Variants in OTUD7A observed in about 807,000 individuals in gnomAD.
The protein encoded by OTUD7A is OTU deubiquitinase 7A, also known as OTU domain-containing protein 7A.
OTUD7A carries 12 observed loss-of-function variants against 65.7 expected under a neutral mutation model. The observed-to-expected ratio is 0.18, with a 90% CI of 0.12 to 0.30. The LOEUF (loss-of-function observed/expected upper bound fraction) is 0.30. Ranked by LOEUF, OTUD7A falls within the 10% of genes least tolerant of loss-of-function variation. The pLI, the probability that OTUD7A is intolerant of heterozygous loss-of-function variation, is 1.00. For missense variants in OTUD7A, 1,148 were observed against 1,304.8 expected (o/e 0.88, Z 1.85); for synonymous variants, 641 against 586.3 (o/e 1.09, Z -1.35).
chr15:31,610,618 T>TATATATA (rs1555401191), intron 3 of OTUD7A, among the ~76,000 whole-genome samples: 6 of 11,844 alleles, frequency 5.1e-4, no homozygotes, highest in African/African-American at 2.0e-3. Flanking sequence ...TATATATATA[T>TATATATA]TTTTTTTTTT....
chr15:31,850,248 A>G (rs183073217), intron 1 of OTUD7A, among the ~76,000 whole-genome samples: 2 of 152,354 alleles, frequency 1.3e-5, no homozygotes, highest in Admixed American at 1.3e-4. Flanking sequence ...GGATGAGTTC[A>G]TGTTCTTTGT....
At chr15:31,634,907 G>A (rs1461598993) in intron 3 of OTUD7A, among the ~76,000 whole-genome samples, 1 of 152,196 alleles carries the variant, frequency 6.6e-6, no homozygotes, top group Non-Finnish European at 1.5e-5. Context: ...TCAAGGTTGG[G>A]ACCCTGGGGA....
intron 3 of OTUD7A, among the ~76,000 whole-genome samples, chr15:31,645,318 G>A (rs1238330595): frequency 6.6e-6 from 1 of 152,188 alleles, no homozygotes; most frequent in East Asian, 1.9e-4. Flanking sequence ...AGGCAGGAGG[G>A]CACACCCACA....
chr15:31,867,857 A>G (rs1166487942), intron 1 of OTUD7A, among the ~76,000 whole-genome samples: 1 of 130,222 alleles, frequency 7.7e-6, no homozygotes, highest in Non-Finnish European at 1.6e-5. Context: ...TGTGCCCCCA[A>G]CCCTTCCTTA....
intron 4 of OTUD7A, among the ~76,000 whole-genome samples, chr15:31,566,048 T>C (rs553785013): frequency 3.0e-4 from 45 of 152,086 alleles, no homozygotes; most frequent in South Asian, 2.1e-3. Flanking sequence ...AAAAATTAGC[T>C]AGGCGTGGTG....
Position 31,564,830 on chromosome 15 carries a change from T to C in OTUD7A, c.331+5188A>G, listed in dbSNP as rs550852840. 4.6e-5 allele frequency among the ~76,000 whole-genome samples: 7 copies of C among 152,274 alleles called. No individual in the cohort carries two copies. The South Asian group carries it at 1.4e-3, about 32-fold the overall frequency. ...AAAGGATATGGAAAAGTTGAAATTA[T>C]ATCAGCAGAAAAAATGATATTTCTG... On this transcript the variant is annotated intron_variant, in intron 4 of 12. Coordinates refer to ENST00000307050, the MANE Select transcript of OTUD7A (RefSeq NM_001382637.1).
chr15:31,847,081 C>T (rs888852644), intron 1 of OTUD7A, among the ~76,000 whole-genome samples: 1 of 152,202 alleles, frequency 6.6e-6, no homozygotes, highest in African/African-American at 2.4e-5. Flanking sequence ...GCAGGCCTGC[C>T]GTAGCCTGGG....
At chr15:31,856,071 A>C (rs1382163536) in intron 1 of OTUD7A, among the ~76,000 whole-genome samples, 2 of 152,248 alleles carry the variant, frequency 1.3e-5, no homozygotes, top group African/African-American at 4.8e-5. Flanking sequence ...GGGAACTTTT[A>C]GAAACTTTTA....
At chr15:31,636,838 A>T (rs1483552796) in intron 3 of OTUD7A, among the ~76,000 whole-genome samples, 1 of 152,232 alleles carries the variant, frequency 6.6e-6, no homozygotes, top group African/African-American at 2.4e-5. Flanking sequence ...CCTTAAGCCA[A>T]AGCCTAATCC....
chr15:31,827,295 T>C (rs1209368862), intron 1 of OTUD7A, among the ~76,000 whole-genome samples: 1 of 152,118 alleles, frequency 6.6e-6, no homozygotes, highest in South Asian at 2.1e-4. Context: ...TGGTCTTACA[T>C]GGATGGCAGG....
At chr15:31,518,974 A>T (rs2041901773) in intron 8 of OTUD7A, among the ~76,000 whole-genome samples, 1 of 152,248 alleles carries the variant, frequency 6.6e-6, no homozygotes, top group Non-Finnish European at 1.5e-5. Context: ...CTTCGAAGGG[A>T]CTGAATGGAT....
At chr15:31,593,268 C>A (rs1368609647) in intron 3 of OTUD7A, among the ~76,000 whole-genome samples, 2 of 152,034 alleles carry the variant, frequency 1.3e-5, no homozygotes, top group Non-Finnish European at 2.9e-5. Context: ...CATGACTGCA[C>A]ACAGGACCTA....
chr15:31,488,278 C>T (rs1172718469), intron 10 of OTUD7A, among the ~76,000 whole-genome samples: 2 of 152,146 alleles, frequency 1.3e-5, no homozygotes, highest in Admixed American at 6.5e-5. Context: ...GGTCATTTCT[C>T]AGAGGGATTG....
intron 1 of OTUD7A, chr15:31,766,619 T>C (rs1895100637): frequency 1.2e-6 from 2 of 1,607,678 alleles, no homozygotes; most frequent in Admixed American, 3.3e-5. Flanking sequence ...TAATAACTAT[T>C]CCTTCTTGTA....
At chr15:31,517,961 C>T (rs1227872633) in intron 8 of OTUD7A, among the ~76,000 whole-genome samples, 3 of 152,244 alleles carry the variant, frequency 2.0e-5, no homozygotes, top group East Asian at 1.9e-4. Context: ...GCCACCCAGA[C>T]GGAGAGCCTG....
rs370104540 is a variant in OTUD7A, at chr15:31,646,773, T to C, written c.151+8323A>G. 3.6e-3 allele frequency among the ~76,000 whole-genome samples: 548 copies of C among 152,236 alleles called. 5 individuals are homozygous for C. Among genetic ancestry groups the C allele is most frequent in the Middle Eastern group, 0.017 (5 of 294 alleles). On this transcript the variant is annotated intron_variant, in intron 3 of 12. Transcript: ENST00000307050. The stretch of plus-strand genomic sequence containing the variant: ...CAAGCCTGGCCAAAGTGTTTAATTT[T>C]AAGCAGCCACAATGGCACAGACTTC...
intron 1 of OTUD7A, among the ~76,000 whole-genome samples, chr15:31,793,378 C>G (rs886596264): frequency 6.6e-6 from 1 of 152,118 alleles, no homozygotes; most frequent in South Asian, 2.1e-4. Flanking sequence ...TCCATGGCTT[C>G]CCACTGGGCC....
intron 3 of OTUD7A, among the ~76,000 whole-genome samples, chr15:31,578,102 G>C (rs1185661216): frequency 6.6e-6 from 1 of 152,098 alleles, no homozygotes; most frequent in Non-Finnish European, 1.5e-5. Flanking sequence ...CCTTGGCCAG[G>C]GTACCCTAAA....
chr15:31,519,654 G>A (rs757334548), intron 8 of OTUD7A, among the ~76,000 whole-genome samples: 1 of 152,162 alleles, frequency 6.6e-6, no homozygotes, highest in Non-Finnish European at 1.5e-5. Context: ...CCACAGCGCA[G>A]TCAGGCAAGA....
Sources: gnomAD v4.1 joint callset for allele counts (sites outside exome capture counted in the v4.1 genomes callset) on GRCh38, gnomAD v4.1.1 for gene constraint, MANE v1.5 for transcripts, NCBI Gene and HGNC (gene_info 2026-07-23, HGNC 2026-07-21) for gene names.